The following PITPNM3 variants were observed in gnomAD, a reference collection of about 807,000 sequenced individuals.
The protein encoded by PITPNM3 is PITPNM family member 3.
In PITPNM3, 26 loss-of-function variants were observed where a neutral mutation model predicts 102.0. The observed-to-expected ratio is 0.25, with a 90% CI of 0.19 to 0.35. The LOEUF (loss-of-function observed/expected upper bound fraction) is 0.35, where lower values mean the gene tolerates loss of function less well. PITPNM3 is among the 10% of genes least tolerant of loss of function. PITPNM3 has a pLI of 1.00. For synonymous variants in PITPNM3, 578 were observed against 558.6 expected (o/e 1.03, Z -0.49); for missense variants, 1,083 against 1,346.1 (o/e 0.80, Z 3.06).
chr17:6,501,641 G>T (rs781259543), intron 4 of PITPNM3, among the ~76,000 whole-genome samples: 1 of 151,992 alleles, frequency 6.6e-6, no homozygotes, highest in African/African-American at 2.4e-5. Context: ...TGCAGCTTTG[G>T]GGGGCTCAGT....
chr17:6,527,877 G>A (rs1345238717), intron 2 of PITPNM3, among the ~76,000 whole-genome samples: 1 of 152,232 alleles, frequency 6.6e-6, no homozygotes, highest in Non-Finnish European at 1.5e-5. Context: ...CTGTCCCAGT[G>A]GTTTATGCAA....
In PITPNM3 at chr17:6,463,322, T is replaced by C. The variant is rs1904567710; in HGVS notation, c.2306+410A>G. Among the ~76,000 whole-genome samples the C allele has an allele frequency of 2.0e-5, 3 of 151,158 alleles. No individual in the cohort carries two copies. The South Asian group carries it at 6.3e-4, about 31-fold the overall frequency. ...CTTATTTTCCCCACCAGACTCTGAG[T>C]GTCCTCTGACTTAAGAGCTCGCTCT... On this transcript the variant is annotated intron_variant, in intron 17 of 19. Transcript: ENST00000262483.
At position 6,537,293 on chromosome 17, in the gene PITPNM3, CT is replaced by C. The variant is rs1211989751; in HGVS notation, c.118+693del. On this transcript the variant is annotated intron_variant, in intron 2 of 19. Coordinates refer to ENST00000262483, the MANE Select transcript of PITPNM3 (RefSeq NM_031220.4). This position sits in a 1 kb window ranked among gnomAD's most constrained non-coding sequence, Gnocchi z 4.4. The stretch of plus-strand genomic sequence containing the variant: ...TTTTTTTCTGAGACAGAGTATCGCT[CT>C]GTCTGCAGTGCCATCTCGGCTCACT... 8.7e-5 allele frequency among the ~76,000 whole-genome samples: 12 copies of C among 138,574 alleles called. No individual in the cohort carries two copies. 90.9% of individuals were successfully genotyped at this position (138,574 alleles called of 152,430 possible).
chr17:6,504,059 C>A (rs540834222), intron 3 of PITPNM3, among the ~76,000 whole-genome samples: 1 of 152,274 alleles, frequency 6.6e-6, no homozygotes, highest in South Asian at 2.1e-4. Context: ...TGCACACTCC[C>A]CATGACCAAA....
intron 2 of PITPNM3, among the ~76,000 whole-genome samples, chr17:6,528,466 GTGTGTGTGCATGCA>G (rs375816848): frequency 1.5e-4 from 23 of 152,160 alleles, no homozygotes; most frequent in South Asian, 4.1e-4. Flanking sequence ...GCACGTGCAT[GTGTGTGTGCATGCA>G]TGTGTGTGCA....
chr17:6,519,474 G>T (rs1908382366), intron 3 of PITPNM3, among the ~76,000 whole-genome samples: 1 of 150,636 alleles, frequency 6.6e-6, no homozygotes, highest in Non-Finnish European at 1.5e-5. Context: ...AGCCGAGATA[G>T]CGCCACTGCA....
rs145488789 is a variant in PITPNM3, at chr17:6,457,645, G to A, written c.2568C>T (p.Ser856=). The change falls in exon 19 of 20, where the codon TCC becomes TCT. Residue 856 remains serine (S), a synonymous_variant. Transcript: ENST00000262483. This position sits in a 1 kb window ranked among gnomAD's most constrained non-coding sequence, Gnocchi z 4.7. ...SVYSVLGLPA[S]QIFIVGRPTK... ...TGGGCCGGCCCACAATGAAGATCTGGGAGGCAGGCAGGCCCAGCACGCTGT... is the reference window on the plus strand; with the variant it reads ...TGGGCCGGCCCACAATGAAGATCTGAGAGGCAGGCAGGCCCAGCACGCTGT... 6.2e-7 allele frequency: 1 copy of A among 1,612,714 alleles called. No homozygotes were observed. The highest frequency in any genetic ancestry group is 1.7e-5 in the Admixed American group (1 of 59,930).
chr17:6,469,395 G>A lies in PITPNM3; in HGVS notation c.1773+865C>T, dbSNP rs1344547782. On this transcript the variant is annotated intron_variant, in intron 13 of 19. Transcript: ENST00000262483. This position sits in a 1 kb window ranked among gnomAD's most constrained non-coding sequence, Gnocchi z 4.0. Reference sequence around the variant, plus strand: ...CCACCGGGCTGGGGACCCACCCCCAGCCCAGCACACTCTCTCCCACCCCCA... The same window carrying A: ...CCACCGGGCTGGGGACCCACCCCCAACCCAGCACACTCTCTCCCACCCCCA... Among the ~76,000 whole-genome samples the A allele has an allele frequency of 6.7e-6, 1 of 149,530 alleles. No homozygotes were observed. Among genetic ancestry groups the A allele is most frequent in the Non-Finnish European group, 1.5e-5 (1 of 67,476 alleles).
chr17:6,541,082 A>G (rs552200337), intron 1 of PITPNM3, among the ~76,000 whole-genome samples: 1 of 152,356 alleles, frequency 6.6e-6, no homozygotes, highest in African/African-American at 2.4e-5. Flanking sequence ...CTGCAAAAAC[A>G]GATATGTTAA....
At chr17:6,549,147 C>T (rs1337078522) in intron 1 of PITPNM3, among the ~76,000 whole-genome samples, 1 of 152,112 alleles carries the variant, frequency 6.6e-6, no homozygotes, top group Non-Finnish European at 1.5e-5. Flanking sequence ...CTAGAGAGAG[C>T]AGCTTCACAA....
At chr17:6,477,337 T>C in intron 8 of PITPNM3, 124 bp from the exon 9 acceptor site, 1 of 1,029,808 alleles carries the variant, frequency 9.7e-7, no homozygotes, top group Non-Finnish European at 1.5e-6. Context: ...GCTACCCTTC[T>C]TCCAAAAGAC....
intron 1 of PITPNM3, among the ~76,000 whole-genome samples, chr17:6,552,100 A>G (rs1398624373): frequency 1.3e-5 from 2 of 152,162 alleles, no homozygotes; most frequent in South Asian, 2.1e-4. Flanking sequence ...TACTGACTCA[A>G]ATTACTAGGT....
chr17:6,511,425 C>G (rs1907856172), intron 3 of PITPNM3, among the ~76,000 whole-genome samples: 1 of 152,114 alleles, frequency 6.6e-6, no homozygotes. Flanking sequence ...TAAGAAGTGT[C>G]CTTAGCAGAC....
rs148932496 is a variant in PITPNM3 at position 6,491,836 on chromosome 17, T to TATATATATATATAA, written c.275-7545_275-7544insTTATATATATATAT. ...AATGGAATATATATATATATATATA[T>TATATATATATATAA]AATAAAGAATTAATTAAGAATTAAG... is the stretch of plus-strand genomic sequence containing the variant. On this transcript the variant is annotated intron_variant, in intron 4 of 19. Coordinates refer to ENST00000262483, the MANE Select transcript of PITPNM3 (RefSeq NM_031220.4). Among the ~76,000 whole-genome samples, 1,170 of 139,226 alleles carry TATATATATATATAA rather than the reference T, an allele frequency of 8.4e-3. 18 individuals carry two copies. Among genetic ancestry groups the TATATATATATATAA allele is most frequent in the Non-Finnish European group, 0.012 (763 of 65,744 alleles). 91.3% of individuals were successfully genotyped at this position (139,226 alleles called of 152,430 possible). A position where few individuals can be genotyped will look rare whatever the true frequency, so the allele number is the denominator to read the frequency against.
intron 3 of PITPNM3, among the ~76,000 whole-genome samples, chr17:6,518,585 T>C (rs991445688): frequency 6.6e-6 from 1 of 152,000 alleles, no homozygotes; most frequent in Non-Finnish European, 1.5e-5. Context: ...TCCAAGGAAG[T>C]AGAAGGAAAT....
intron 4 of PITPNM3, among the ~76,000 whole-genome samples, chr17:6,493,737 G>A (rs9906396): frequency 0.033 from 5,097 of 152,264 alleles, 298 homozygotes; most frequent in African/African-American, 0.12. Flanking sequence ...AACCTTCAAC[G>A]GCCCAGTGAG....
intron 4 of PITPNM3, 91 bp from the exon 5 acceptor site, chr17:6,484,383 C>G: frequency 7.6e-7 from 1 of 1,311,730 alleles, no homozygotes; most frequent in South Asian, 1.2e-5. Flanking sequence ...AAGGTGAGAC[C>G]TTGGCTTACA....
intron 1 of PITPNM3, among the ~76,000 whole-genome samples, chr17:6,546,478 C>T (rs928200800): frequency 2.6e-5 from 4 of 152,240 alleles, no homozygotes; most frequent in African/African-American, 9.6e-5. Context: ...ACCTCAACCT[C>T]AACCATGGCC....
In PITPNM3 at chr17:6,517,977, C is replaced by A. The variant is rs1908280844; in HGVS notation, c.226+7379G>T. Among the ~76,000 whole-genome samples the A allele has an allele frequency of 6.6e-6, 1 of 152,148 alleles. No homozygotes were observed. The highest frequency in any genetic ancestry group is 2.4e-5 in the African/African-American group (1 of 41,418). ...AAACAAGAAAAGGGGAAGGAGAAAA[C>A]TGTATTGATAATATCTTTAATTTTA... is the stretch of plus-strand genomic sequence containing the variant. On this transcript the variant is annotated intron_variant, in intron 3 of 19. Coordinates refer to ENST00000262483, the MANE Select transcript of PITPNM3 (RefSeq NM_031220.4). The surrounding 1 kb of genome is among the most constrained non-coding windows in gnomAD (Gnocchi z 4.1).
Sources: allele counts gnomAD v4.1 joint callset (sites outside exome capture counted in the v4.1 genomes callset), GRCh38; gene constraint gnomAD v4.1.1; non-coding constraint Gnocchi (gnomAD v3.1); transcripts MANE v1.5; gene names NCBI Gene and HGNC (gene_info 2026-07-23, HGNC 2026-07-21).